The following TEF variants were observed in gnomAD, a reference collection of about 807,000 sequenced individuals.
TEF encodes the protein thyrotroph embryonic factor.
A neutral mutation model predicts 20.8 loss-of-function variants in TEF; 3 were observed. The ratio of observed to expected loss-of-function variants is 0.14; its 90% CI spans 0.07 to 0.37. TEF has a LOEUF of 0.37. Among genes scored for constraint, TEF ranks in the 10% least tolerant of loss-of-function variants. TEF has a pLI of 1.00. For missense variants in TEF, 296 were observed against 397.9 expected, an observed-to-expected ratio of 0.74 and a Z score of 2.18; for synonymous variants, 180 against 171.1, an observed-to-expected ratio of 1.05 and a Z score of -0.41.
At chr22:41,392,041 G>C (rs1406342563) in intron 2 of TEF, among the ~76,000 whole-genome samples, 4 of 152,188 alleles carry the variant, frequency 2.6e-5, no homozygotes, top group African/African-American at 7.2e-5. Flanking sequence ...TCTTTGCCAG[G>C]ACAGAACCTG....
chr22:41,382,229 G>C (rs988703568), intron 1 of TEF, 28 bp downstream of exon 1: 3 of 1,223,996 alleles, frequency 2.5e-6, no homozygotes, highest in East Asian at 3.2e-5. Flanking sequence ...GTCCGCGCGG[G>C]CTGGGGGCGG....
rs1569259704 is a variant in TEF at position 41,397,229 on chromosome 22, C to T, written c.*1269C>T. ...TTGGTCCCAGGAGATGGGGGCCACTCGTGAGGCTGGCCATGCTGTGGCTTC... is the reference window on the plus strand; with the variant it reads ...TTGGTCCCAGGAGATGGGGGCCACTTGTGAGGCTGGCCATGCTGTGGCTTC... On this transcript the variant is annotated 3_prime_UTR_variant, in exon 4 of 4. Coordinates refer to ENST00000266304, the MANE Select transcript of TEF (RefSeq NM_003216.4). 7.5e-6 allele frequency: 3 copies of T among 397,866 alleles called. No homozygotes were observed. Among genetic ancestry groups the T allele is most frequent in the Non-Finnish European group, 8.9e-6 (2 of 225,928 alleles). 24.6% of individuals were successfully genotyped at this position (397,866 alleles called of 1,614,324 possible).
chr22:41,394,301 C>T lies in TEF; in HGVS notation c.681C>T (p.Val227=). The T allele has an allele frequency of 6.2e-7, 1 of 1,613,848 alleles. No individual in the cohort carries two copies. ...TCAAAAAGGCCAAGAAGGTCTTTGT[C>T]CCCGACGAGCAGAAGGTAACCTGGT... is the stretch of plus-strand genomic sequence containing the variant. ...PMIKKAKKVF[V]PDEQKDEKYW... is the part of the protein sequence containing the mutation. The change falls in exon 3 of 4, where the codon GTC becomes GTT. Residue 227 remains valine, a synonymous_variant. Coordinates refer to ENST00000266304, the MANE Select transcript of TEF (RefSeq NM_003216.4).
Position 41,397,018 on chromosome 22 carries a change from G to A in TEF, c.*1058G>A. 2.5e-6 allele frequency: 1 copy of A among 398,890 alleles called. No homozygotes were observed. The highest frequency in any genetic ancestry group is 4.4e-6 in the Non-Finnish European group (1 of 226,352). The allele number at this position is 398,890 out of a possible 1,614,324, so 24.7% of individuals were successfully genotyped here. ...TCTGCTCACCGGTGTGGCCTGGGCT[G>A]GAGTGCACTCTCCCTGGGGGCAGCT... On this transcript the variant is annotated 3_prime_UTR_variant, in exon 4 of 4. Coordinates refer to ENST00000266304, the MANE Select transcript of TEF (RefSeq NM_003216.4).
chr22:41,389,775 G>A (rs922378296), intron 2 of TEF, among the ~76,000 whole-genome samples: 2 of 152,176 alleles, frequency 1.3e-5, no homozygotes, highest in African/African-American at 2.4e-5. Context: ...ACACCCAGCC[G>A]CTTTGTTAAG....
chr22:41,379,757 G>A (rs1211346406), upstream of TEF, among the ~76,000 whole-genome samples: 2 of 151,616 alleles, frequency 1.3e-5, no homozygotes, highest in Admixed American at 1.3e-4. Context: ...GCCGGGCGTG[G>A]TGACGCATGC....
In TEF at chr22:41,381,992, A is replaced by C. The variant is rs2037032070; in HGVS notation, c.-53A>C. On this transcript the variant is annotated 5_prime_UTR_variant, in exon 1 of 4. Coordinates refer to ENST00000266304, the MANE Select transcript of TEF (RefSeq NM_003216.4). ...GCAGCGGGTCGCACGGCTCCGGCCC[A>C]TCTCGGGGGGCGGGCGGGGGAGGCG... The C allele has an allele frequency of 8.2e-7, 1 of 1,226,182 alleles. No homozygotes were observed. The highest frequency in any genetic ancestry group is 1.6e-5 in the African/African-American group (1 of 63,038). 76.0% of individuals were successfully genotyped at this position (1,226,182 alleles called of 1,614,324 possible). A position where few individuals can be genotyped will look rare whatever the true frequency, so the allele number is the denominator to read the frequency against.
At chr22:41,387,284 A>C in intron 1 of TEF, 67 bp from the exon 2 acceptor site, 1 of 1,557,228 alleles carries the variant, frequency 6.4e-7, no homozygotes, top group Non-Finnish European at 8.8e-7. Flanking sequence ...TGTGAGGCTC[A>C]CTGCCCACTT....
At chr22:41,374,564 AAATT>A (rs1324772707) in intron 1 of TEF, among the ~76,000 whole-genome samples, 1 of 151,754 alleles carries the variant, frequency 6.6e-6, no homozygotes, top group Non-Finnish European at 1.5e-5. Flanking sequence ...AAAAAAAAAA[AAATT>A]AGCCAGGCAA....
At position 41,382,124 on chromosome 22, in the gene TEF, G is replaced by C. The variant is rs2037035360; in HGVS notation, c.80G>C (p.Gly27Ala). ...GGTCCGGGGCCGGGGCGCGCAGCTG[G>C]GGAAAGGGGCCTGTCGGGGTCCTTC... ...GPGPGPGRAA[G>A]ERGLSGSFPL... The change falls in exon 1 of 4, where the codon GGG becomes GCG. Residue 27 changes from glycine to alanine, a missense_variant. Gly to Ala is a moderately conservative substitution (Grantham distance 60). Coordinates refer to ENST00000266304, the MANE Select transcript of TEF (RefSeq NM_003216.4). 8.1e-7 allele frequency: 1 copy of C among 1,235,412 alleles called. No homozygotes were observed. The highest frequency in any genetic ancestry group is 1.0e-6 in the Non-Finnish European group (1 of 989,728). The allele number at this position is 1,235,412 out of a possible 1,614,324, so 76.5% of individuals were successfully genotyped here. A position where few individuals can be genotyped will look rare whatever the true frequency, so the allele number is the denominator to read the frequency against.
intron 1 of TEF, 158 bp from the exon 2 acceptor site, chr22:41,387,193 G>C (rs2037108055): frequency 1.2e-6 from 1 of 805,964 alleles, no homozygotes; most frequent in Non-Finnish European, 1.9e-6. Flanking sequence ...TGGTTCAAGT[G>C]CGAGATTCGA....
At chr22:41,373,334 T>C (rs1328789618) in intron 1 of TEF, among the ~76,000 whole-genome samples, 1 of 152,212 alleles carries the variant, frequency 6.6e-6, no homozygotes, top group Non-Finnish European at 1.5e-5. Context: ...TGCCCCGCCA[T>C]GCAGTAGAAA....
intron 1 of TEF, among the ~76,000 whole-genome samples, chr22:41,373,308 C>T (rs2036904233): frequency 6.6e-6 from 1 of 152,136 alleles, no homozygotes; most frequent in Non-Finnish European, 1.5e-5. Flanking sequence ...TTGAATACCA[C>T]AGGGATTAGG....
At chr22:41,368,523 C>T (rs2036846279) in intron 1 of TEF, among the ~76,000 whole-genome samples, 1 of 152,178 alleles carries the variant, frequency 6.6e-6, no homozygotes, top group Admixed American at 6.5e-5. Flanking sequence ...TCAGCCCACT[C>T]CCAAACCAGA....
chr22:41,370,908 G>A (rs997568977), intron 1 of TEF, among the ~76,000 whole-genome samples: 1 of 152,156 alleles, frequency 6.6e-6, no homozygotes, highest in Non-Finnish European at 1.5e-5. Context: ...CTTCTTGGTG[G>A]CCTTCACTCT....
In TEF at chr22:41,397,141, G is replaced by C; in HGVS notation, c.*1181G>C. 2.5e-6 allele frequency: 1 copy of C among 398,722 alleles called. No individual in the cohort carries two copies. The highest frequency in any genetic ancestry group is 2.1e-5 in the African/African-American group (1 of 48,754). The allele number at this position is 398,722 out of a possible 1,614,324, so 24.7% of individuals were successfully genotyped here. A position where few individuals can be genotyped will look rare whatever the true frequency, so the allele number is the denominator to read the frequency against. ...CTAGTCTAGAGTCACCAAGGTCACA[G>C]TGCCACTTTCACGGGATAGCAGGCT... On this transcript the variant is annotated 3_prime_UTR_variant, in exon 4 of 4. Transcript: ENST00000266304.
intron 1 of TEF, chr22:41,369,142 G>A: frequency 1.0e-6 from 1 of 985,370 alleles, no homozygotes; most frequent in Non-Finnish European, 1.2e-6. Flanking sequence ...GATTCTCAGG[G>A]GCGACTCGGG....
upstream of TEF, chr22:41,381,838 C>A (rs1049020137): frequency 4.2e-6 from 5 of 1,198,418 alleles, no homozygotes; most frequent in Non-Finnish European, 5.2e-6. Context: ...TCCAGAGCAA[C>A]GATCCGGGGA....
chr22:41,368,659 CG>C (rs1212223397), intron 1 of TEF, among the ~76,000 whole-genome samples: 1 of 152,130 alleles, frequency 6.6e-6, no homozygotes, highest in Non-Finnish European at 1.5e-5. Context: ...ATTGCCCGAA[CG>C]GGGAAGGACG....
Sources: allele counts gnomAD v4.1 joint callset (sites outside exome capture counted in the v4.1 genomes callset), GRCh38; gene constraint gnomAD v4.1.1; transcripts MANE v1.5; gene names NCBI Gene and HGNC (gene_info 2026-07-23, HGNC 2026-07-21).